Variants in BAIAP2L1 observed in about 807,000 individuals in gnomAD.
BAIAP2L1 encodes the protein BAR/IMD domain-containing adapter protein 2-like 1.
A neutral mutation model predicts 66.3 loss-of-function variants in BAIAP2L1; 35 were observed. The observed-to-expected ratio is 0.53, with a 90% CI of 0.40 to 0.70. The LOEUF is 0.70. Ranked by LOEUF, BAIAP2L1 falls within the 30% of genes least tolerant of loss-of-function variation. The pLI, the probability that BAIAP2L1 is intolerant of heterozygous loss-of-function variation, is 0.00. For missense variants in BAIAP2L1, 622 were observed against 656.9 expected (o/e 0.95, Z 0.58); for synonymous variants, 269 against 248.7 (o/e 1.08, Z -0.77).
chr7:98,362,156 C>T (rs6969752), intron 2 of BAIAP2L1, among the ~76,000 whole-genome samples: 3,693 of 152,122 alleles, frequency 0.024, 150 homozygotes, highest in African/African-American at 0.085. Flanking sequence ...ACTTAGAGTA[C>T]CCTCACTTTC....
At chr7:98,388,175 T>C (rs1802942775) in intron 1 of BAIAP2L1, among the ~76,000 whole-genome samples, 1 of 152,228 alleles carries the variant, frequency 6.6e-6, no homozygotes, top group African/African-American at 2.4e-5. Context: ...CTTTCATGTA[T>C]GACTGCGTTT....
chr7:98,306,921 CCTT>C (rs561265188), intron 10 of BAIAP2L1: 249 of 170,020 alleles, frequency 1.5e-3, no homozygotes, highest in African/African-American at 5.5e-3. Context: ...TTGGATTACC[CCTT>C]TTTTTTTCCA....
chr7:98,312,877 A>G (rs1800923331), intron 7 of BAIAP2L1, among the ~76,000 whole-genome samples: 1 of 152,192 alleles, frequency 6.6e-6, no homozygotes, highest in Non-Finnish European at 1.5e-5. Flanking sequence ...GTGCCCCTCC[A>G]GCACCCACAA....
At chr7:98,325,316 C>T (rs959712858) in intron 3 of BAIAP2L1, among the ~76,000 whole-genome samples, 9 of 150,818 alleles carry the variant, frequency 6.0e-5, no homozygotes, top group Non-Finnish European at 7.4e-5. Flanking sequence ...GGCAGTGAGC[C>T]GAGATCAGGC....
intron 12 of BAIAP2L1, among the ~76,000 whole-genome samples, chr7:98,303,453 C>T (rs1018764777): frequency 1.6e-4 from 25 of 152,214 alleles, no homozygotes; most frequent in Admixed American, 5.2e-4. Flanking sequence ...TGTCCAGCCG[C>T]GCTGCTCCCC....
intron 3 of BAIAP2L1, among the ~76,000 whole-genome samples, chr7:98,348,705 GA>G (rs1200258148): frequency 1.3e-5 from 2 of 152,292 alleles, no homozygotes; most frequent in East Asian, 3.9e-4. Context: ...GTGTGAAGTA[GA>G]AAGAGAGAGG....
chr7:98,387,850 A>G (rs927882562), intron 1 of BAIAP2L1, among the ~76,000 whole-genome samples: 1 of 151,874 alleles, frequency 6.6e-6, no homozygotes, highest in African/African-American at 2.4e-5. Context: ...CCTGGGCGAC[A>G]GAGTTAAGAC....
In BAIAP2L1 at chr7:98,293,406, T is replaced by C; in HGVS notation, c.*115A>G. 1.1e-6 allele frequency: 1 copy of C among 939,058 alleles called. No homozygotes were observed. The highest frequency in any genetic ancestry group is 1.5e-5 in the South Asian group (1 of 66,914). The allele number at this position is 939,058 out of a possible 1,614,324, so 58.2% of individuals were successfully genotyped here. A position where few individuals can be genotyped will look rare whatever the true frequency, so the allele number is the denominator to read the frequency against. On this transcript the variant is annotated 3_prime_UTR_variant, in exon 14 of 14. Coordinates refer to ENST00000005260, the MANE Select transcript of BAIAP2L1 (RefSeq NM_018842.5). ...CATGATTTGCTTAAGCAGGCGACAT[T>C]AGAGTTAGGCCTCTCCACTGAAGCT...
At chr7:98,331,123 G>C (rs1323931133) in intron 3 of BAIAP2L1, among the ~76,000 whole-genome samples, 1 of 152,092 alleles carries the variant, frequency 6.6e-6, no homozygotes, top group Non-Finnish European at 1.5e-5. Flanking sequence ...CCAGCAGACT[G>C]GACACGACCA....
At chr7:98,373,087 G>A (rs1188046965) in intron 1 of BAIAP2L1, among the ~76,000 whole-genome samples, 1 of 152,132 alleles carries the variant, frequency 6.6e-6, no homozygotes, top group Non-Finnish European at 1.5e-5. Flanking sequence ...TTCCTTAAGT[G>A]TTGCTGGAAG....
Position 98,292,633 on chromosome 7 carries a change from C to T in BAIAP2L1, c.*888G>A. ...CTGCTAGGCTGAAAAACCCGCCCTTCTCCAGGCACCAGAGGTCATCCTGGC... is the reference window on the plus strand; with the variant it reads ...CTGCTAGGCTGAAAAACCCGCCCTTTTCCAGGCACCAGAGGTCATCCTGGC... On this transcript the variant is annotated 3_prime_UTR_variant, in exon 14 of 14. Transcript: ENST00000005260. The T allele has an allele frequency of 6.4e-7, 1 of 1,551,650 alleles. No individual in the cohort carries two copies. The highest frequency in any genetic ancestry group is 8.7e-7 in the Non-Finnish European group (1 of 1,146,970).
chr7:98,307,507 A>G (rs1057420263), intron 10 of BAIAP2L1, 182 bp downstream of exon 10: 37 of 1,441,296 alleles, frequency 2.6e-5, no homozygotes, highest in Non-Finnish European at 3.0e-5. Flanking sequence ...GTATCTCTAC[A>G]TGCACAGACA....
intron 3 of BAIAP2L1, 23 bp downstream of exon 3, chr7:98,355,019 G>C: frequency 6.3e-7 from 1 of 1,581,980 alleles, no homozygotes; most frequent in Non-Finnish European, 8.7e-7. Flanking sequence ...TGGGGTTTAT[G>C]TATAAAGGGA....
chr7:98,389,028 C>G (rs1459574325), intron 1 of BAIAP2L1, among the ~76,000 whole-genome samples: 1 of 151,878 alleles, frequency 6.6e-6, no homozygotes, highest in Non-Finnish European at 1.5e-5. Flanking sequence ...ATCCTGGCCC[C>G]TAAGTATGAG....
rs188390102 is a variant in BAIAP2L1, at chr7:98,337,045, T to C, written c.215-16747A>G. On this transcript the variant is annotated intron_variant, in intron 3 of 13. Coordinates refer to ENST00000005260, the MANE Select transcript of BAIAP2L1 (RefSeq NM_018842.5). ...TGAAAACTAAATGAGACTCCTGAAT[T>C]TCGTATTTCCATTAATGCTAATAAA... Among the ~76,000 whole-genome samples, 212 of 152,228 alleles carry C rather than the reference T, an allele frequency of 1.4e-3. 2 individuals are homozygous for C. The highest frequency in any genetic ancestry group is 0.01 in the Middle Eastern group (3 of 294).
At chr7:98,344,893 G>A (rs1447781026) in intron 3 of BAIAP2L1, among the ~76,000 whole-genome samples, 2 of 152,296 alleles carry the variant, frequency 1.3e-5, no homozygotes, top group East Asian at 1.9e-4. Context: ...CTGAGATCGC[G>A]CCATTGTACT....
chr7:98,335,651 A>G (rs967788203), intron 3 of BAIAP2L1, among the ~76,000 whole-genome samples: 11 of 152,182 alleles, frequency 7.2e-5, no homozygotes, highest in Non-Finnish European at 1.3e-4. Flanking sequence ...CCTTAACTAT[A>G]TCCGATTCTC....
At chr7:98,311,670 G>C (rs572245721) in intron 8 of BAIAP2L1, among the ~76,000 whole-genome samples, 3 of 152,188 alleles carry the variant, frequency 2.0e-5, no homozygotes, top group Admixed American at 2.0e-4. Context: ...CACTTTGGGA[G>C]GCCGAGGCAG....
chr7:98,366,531 A>AC (rs35537795), intron 1 of BAIAP2L1, among the ~76,000 whole-genome samples: 2 of 151,562 alleles, frequency 1.3e-5, no homozygotes, highest in African/African-American at 2.4e-5. Flanking sequence ...ATTTCCTATC[A>AC]CCCCAGATTT....
Sources: allele counts gnomAD v4.1 joint callset (sites outside exome capture counted in the v4.1 genomes callset), GRCh38; gene constraint gnomAD v4.1.1; transcripts MANE v1.5; gene names NCBI Gene and HGNC (gene_info 2026-07-23, HGNC 2026-07-21).